TNIK: variants seen among roughly 807,000 people sequenced by gnomAD.
The protein encoded by TNIK is TRAF2 and NCK interacting kinase.
A neutral mutation model predicts 191.3 loss-of-function variants in TNIK; 49 were observed. The observed-to-expected ratio is 0.26, with a 90% CI of 0.20 to 0.32. The LOEUF is 0.32. Ranked by LOEUF, TNIK falls within the 10% of genes least tolerant of loss-of-function variation. The pLI, the probability that TNIK is intolerant of heterozygous loss-of-function variation, is 1.00. For missense variants in TNIK, 1,155 were observed against 1,702.3 expected (o/e 0.68, Z 5.66); for synonymous variants, 594 against 600.9 (o/e 0.99, Z 0.17).
intron 1 of TNIK, among the ~76,000 whole-genome samples, chr3:171,438,437 T>A (rs1253005590): frequency 2.6e-5 from 4 of 152,190 alleles, no homozygotes; most frequent in Admixed American, 6.5e-5. Context: ...TCAGTTATAG[T>A]GGGGATGCAG....
Position 171,352,306 on chromosome 3 carries a change from A to G in TNIK, c.123+17314T>C, listed in dbSNP as rs564541792. On this transcript the variant is annotated intron_variant, in intron 2 of 32. Transcript: ENST00000436636. ...TTAAAAACTCCAGACAATCCTCAGA[A>G]AAATCTATTCACCTTTTAAGCCTTT... is the stretch of plus-strand genomic sequence containing the variant. 8.5e-5 allele frequency among the ~76,000 whole-genome samples: 13 copies of G among 152,324 alleles called. No homozygotes were observed. The East Asian group carries it at 2.5e-3, about 29-fold the overall frequency.
In TNIK at chr3:171,305,008, TTA is replaced by T. The variant is rs1491391425; in HGVS notation, c.123+64610_123+64611del. Among the ~76,000 whole-genome samples, 372 of 86,780 alleles carry T rather than the reference TTA, an allele frequency of 4.3e-3. 2 individuals are homozygous for T. Among genetic ancestry groups the T allele is most frequent in the African/African-American group, 0.017 (348 of 20,352 alleles). The allele number at this position is 86,780 out of a possible 152,430, so 56.9% of individuals were successfully genotyped here. A position where few individuals can be genotyped will look rare whatever the true frequency, so the allele number is the denominator to read the frequency against. ...ATGTACCCTAAAACTTAAAGTATAA[TTA>T]AAAAAAAAAAAAAAAGAAATTGAAA... On this transcript the variant is annotated intron_variant, in intron 2 of 32. Coordinates refer to ENST00000436636, the MANE Select transcript of TNIK (RefSeq NM_015028.4).
chr3:171,122,933 A>G (rs1727954721), intron 18 of TNIK, among the ~76,000 whole-genome samples: 1 of 152,184 alleles, frequency 6.6e-6, no homozygotes, highest in South Asian at 2.1e-4. Context: ...GCTTCTTGAG[A>G]CCTCTACACC....
At chr3:171,352,471 A>T (rs935029313) in intron 2 of TNIK, among the ~76,000 whole-genome samples, 1 of 152,156 alleles carries the variant, frequency 6.6e-6, no homozygotes, top group Non-Finnish European at 1.5e-5. Context: ...ATAATTTCAG[A>T]TTTTCCAAAA....
intron 27 of TNIK, 76 bp downstream of exon 27, chr3:171,082,175 A>G: frequency 6.5e-7 from 1 of 1,542,640 alleles, no homozygotes; most frequent in South Asian, 1.2e-5. Context: ...GGGCAGAACT[A>G]ACTGTTTCTG....
intron 17 of TNIK, among the ~76,000 whole-genome samples, chr3:171,124,120 C>T (rs1214314276): frequency 6.6e-6 from 1 of 152,142 alleles, no homozygotes; most frequent in East Asian, 1.9e-4. Flanking sequence ...CCACTTTTAG[C>T]TTACATCACA....
intron 2 of TNIK, among the ~76,000 whole-genome samples, chr3:171,266,798 T>C (rs183263084): frequency 7.9e-5 from 12 of 152,338 alleles, no homozygotes; most frequent in Non-Finnish European, 1.6e-4. Context: ...CAGAAGTCAG[T>C]GTCTTCCAAG....
chr3:171,451,511 G>T (rs945402504), intron 1 of TNIK, among the ~76,000 whole-genome samples: 1 of 152,204 alleles, frequency 6.6e-6, no homozygotes, highest in African/African-American at 2.4e-5. Context: ...GGTTATTGTT[G>T]TTTAGGCCAC....
At chr3:171,205,143 T>C (rs1233182976) in intron 4 of TNIK, among the ~76,000 whole-genome samples, 1 of 152,200 alleles carries the variant, frequency 6.6e-6, no homozygotes, top group Non-Finnish European at 1.5e-5. Flanking sequence ...GGAATAAGTA[T>C]GTACTGTTAT....
intron 9 of TNIK, 98 bp from the exon 10 acceptor site, chr3:171,167,368 G>C: frequency 2.1e-6 from 3 of 1,440,732 alleles, no homozygotes; most frequent in Non-Finnish European, 2.8e-6. Context: ...TTTTTTTAAG[G>C]TCCAATTGGC....
chr3:171,440,648 T>G (rs183402887), intron 1 of TNIK, among the ~76,000 whole-genome samples: 26 of 152,354 alleles, frequency 1.7e-4, no homozygotes, highest in African/African-American at 6.0e-4. Context: ...TTCATTTCAT[T>G]AATAAATGGA....
chr3:171,119,544 C>G (rs906529636), intron 18 of TNIK, among the ~76,000 whole-genome samples: 1 of 152,294 alleles, frequency 6.6e-6, no homozygotes, highest in Non-Finnish European at 1.5e-5. Context: ...TGGAACCAAC[C>G]CAAATGTCCA....
At chr3:171,150,241 G>A (rs1269796019) in intron 12 of TNIK, among the ~76,000 whole-genome samples, 1 of 152,178 alleles carries the variant, frequency 6.6e-6, no homozygotes, top group Non-Finnish European at 1.5e-5. Context: ...ACTTATTCAG[G>A]TGTTTACTCA....
chr3:171,369,680 G>A lies in TNIK; in HGVS notation c.63C>T (p.Pro21=), dbSNP rs3796295. Reference sequence around the variant, plus strand: ...GTTCCACCAATTCAAAGATCCCTGCGGGGTCCTGAAAGAAAATAAACAAAC... The same window carrying A: ...GTTCCACCAATTCAAAGATCCCTGCAGGGTCCTGAAAGAAAATAAACAAAC... ...DEIDLSALRD[P]AGIFELVELV... The change falls in exon 2 of 33, where the codon CCC becomes CCT. Residue 21 remains proline (P), a synonymous_variant. Coordinates refer to ENST00000436636, the MANE Select transcript of TNIK (RefSeq NM_015028.4). The A allele has an allele frequency of 0.69, 1,084,448 of 1,562,586 alleles. 391,353 individuals carry two copies. Among genetic ancestry groups the A allele is most frequent in the Non-Finnish European group, 0.75 (864,482 of 1,151,990 alleles).
chr3:171,195,128 G>GT (rs1738535305), intron 4 of TNIK, among the ~76,000 whole-genome samples: 1 of 152,174 alleles, frequency 6.6e-6, no homozygotes, highest in African/African-American at 2.4e-5. Flanking sequence ...TTCAGCGAAT[G>GT]TTCCCAGGAG....
At position 171,157,535 on chromosome 3, in the gene TNIK, C is replaced by A; in HGVS notation, c.1146G>T (p.Glu382Asp). 3.2e-6 allele frequency: 5 copies of A among 1,569,054 alleles called. No individual in the cohort carries two copies. Among genetic ancestry groups the A allele is most frequent in the South Asian group, 1.2e-5 (1 of 84,888 alleles). ...QLEQQQRENE[E>D]HKRQLLAERQ... is the part of the protein sequence containing the mutation. ...GCTCGGCCAGCAGCTGCCGCTTGTG[C>A]TCCTCATTCTCCCGCTGCTGCTGCT... The change falls in exon 12 of 33, where the codon GAG becomes GAT. Residue 382 changes from glutamate to aspartate, a missense_variant. Physicochemically the swap from Glu to Asp is conservative, Grantham distance 45. Transcript: ENST00000436636.
At chr3:171,114,575 CTG>C (rs902637802) in intron 18 of TNIK, among the ~76,000 whole-genome samples, 1 of 152,164 alleles carries the variant, frequency 6.6e-6, no homozygotes, top group Non-Finnish European at 1.5e-5. Flanking sequence ...TAGACCATGA[CTG>C]TGGAAAAATG....
chr3:171,201,460 A>C (rs1183689233), intron 4 of TNIK, among the ~76,000 whole-genome samples: 1 of 152,116 alleles, frequency 6.6e-6, no homozygotes, highest in Non-Finnish European at 1.5e-5. Context: ...AACTTCCAAG[A>C]ACACAATTCT....
chr3:171,356,761 C>T (rs1057419625), intron 2 of TNIK, among the ~76,000 whole-genome samples: 1 of 152,186 alleles, frequency 6.6e-6, no homozygotes, highest in African/African-American at 2.4e-5. Flanking sequence ...TTTATAAACT[C>T]TCAGACCTAA....
Sources: allele counts gnomAD v4.1 joint callset (sites outside exome capture counted in the v4.1 genomes callset), GRCh38; gene constraint gnomAD v4.1.1; transcripts MANE v1.5; gene names NCBI Gene and HGNC (gene_info 2026-07-23, HGNC 2026-07-21).